The following SPATA3 variants were observed in gnomAD, a reference collection of about 807,000 sequenced individuals.
SPATA3 encodes spermatogenesis-associated protein 3.
Under a neutral mutation model 5.7 loss-of-function variants are expected in SPATA3, and 6 were observed. The ratio of observed to expected loss-of-function variants is 1.06; its 90% CI spans 0.58 to 2.09. The LOEUF (loss-of-function observed/expected upper bound fraction) is 2.09, where lower values mean the gene tolerates loss of function less well. Among genes scored for constraint, SPATA3 ranks in the 30% most tolerant of loss-of-function variants. SPATA3 has a pLI of 0.00. For synonymous variants in SPATA3, 44 were observed against 48.4 expected (o/e 0.91, Z 0.37); for missense variants, 155 against 130.4 (o/e 1.19, Z -0.92).
rs1692317198 is a variant in SPATA3, at chr2:231,000,657, C to T, written c.962+120C>T. ...TTGGGAATCCCAGGCCGAAGGAAAG[C>T]CTTTCTTTCCCTCTTTGCTTTGCCC... is the stretch of plus-strand genomic sequence containing the variant. On this transcript the variant is annotated intron_variant, in intron 2 of 2. Transcript: ENST00000645363. 1.0e-5 allele frequency: 11 copies of T among 1,078,910 alleles called. No homozygotes were observed. The South Asian group carries it at 2.6e-4, about 26-fold the overall frequency. The allele number at this position is 1,078,910 out of a possible 1,614,324, so 66.8% of individuals were successfully genotyped here.
chr2:231,008,002 C>T (rs1161099466), downstream of SPATA3, among the ~76,000 whole-genome samples: 4 of 152,154 alleles, frequency 2.6e-5, no homozygotes, highest in Non-Finnish European at 5.9e-5. Context: ...ATAGCAAGAC[C>T]CTGTCTCAAA....
chr2:231,006,503 CA>C (rs112077286), downstream of SPATA3, among the ~76,000 whole-genome samples: 51,753 of 140,270 alleles, frequency 0.37, 9,078 homozygotes, highest in South Asian at 0.48. Flanking sequence ...AACTCTGTCT[CA>C]AAAAAAAAAA....
At chr2:230,997,155 C>T (rs1218371485) in intron 1 of SPATA3, among the ~76,000 whole-genome samples, 1 of 152,180 alleles carries the variant, frequency 6.6e-6, no homozygotes, top group African/African-American at 2.4e-5. Flanking sequence ...CTTGAATTCC[C>T]AGGTGTTGTA....
chr2:231,019,248 A>T (rs546252406), intron 6 of SPATA3, among the ~76,000 whole-genome samples: 2 of 139,942 alleles, frequency 1.4e-5, no homozygotes, highest in South Asian at 2.3e-4. Flanking sequence ...GGATTACAGG[A>T]GTGAGCCACC....
At chr2:231,000,396 G>T (rs1420183899) in exon 2 of SPATA3, 7 of 1,532,734 alleles carry the variant, frequency 4.6e-6, no homozygotes, top group African/African-American at 4.1e-5. Flanking sequence ...CCGCATTCCT[G>T]CTCCTGTGCC....
At chr2:231,018,841 C>T (rs946957234) in intron 6 of SPATA3, among the ~76,000 whole-genome samples, 9 of 151,982 alleles carry the variant, frequency 5.9e-5, no homozygotes, top group Admixed American at 2.0e-4. Flanking sequence ...CGTGCCACCA[C>T]ACCCAGCTAA....
chr2:230,996,218 G>T (rs1185093705), intron 1 of SPATA3: 3 of 1,546,068 alleles, frequency 1.9e-6, no homozygotes, highest in Admixed American at 2.0e-5. Flanking sequence ...CCACGTTTAG[G>T]TTGGGAGGAT....
At chr2:231,013,771 G>A (rs1229787787) in intron 5 of SPATA3, 1 of 151,944 alleles carries the variant, frequency 6.6e-6, no homozygotes, top group Non-Finnish European at 1.5e-5. Context: ...TAATTGTACT[G>A]GCATTTTATC....
At chr2:231,002,992 CATT>C (rs1293821621), downstream of SPATA3, among the ~76,000 whole-genome samples, 2 of 152,116 alleles carry the variant, frequency 1.3e-5, no homozygotes, top group East Asian at 1.9e-4. Flanking sequence ...ACGCTAGACT[CATT>C]ATTACAATCA....
At chr2:231,016,909 G>A (rs1692952056) in intron 6 of SPATA3, among the ~76,000 whole-genome samples, 2 of 152,124 alleles carry the variant, frequency 1.3e-5, no homozygotes, top group Admixed American at 1.3e-4. Context: ...TCACCATCAA[G>A]ACATCACTCA....
rs1439985411 is a variant in SPATA3, at chr2:231,019,120, CAA to C, written c.*566-599_*566-598del. Among the ~76,000 whole-genome samples the C allele has an allele frequency of 2.8e-4, 36 of 128,430 alleles. 1 individual carries two copies. Among genetic ancestry groups the C allele is most frequent in the African/African-American group, 1.1e-3 (34 of 32,060 alleles). The allele number at this position is 128,430 out of a possible 152,430, so 84.3% of individuals were successfully genotyped here. A position where few individuals can be genotyped will look rare whatever the true frequency, so the allele number is the denominator to read the frequency against. ...TAGCTGCGACTACAGGCGCCCGCCA[CAA>C]CGCTTGGCTAATTTTTTTTTGTATT... On this transcript the variant is annotated intron_variant, in intron 6 of 8. Transcript: ENST00000452881.
intron 1 of SPATA3, chr2:230,996,368 A>G: frequency 6.5e-7 from 1 of 1,542,064 alleles, no homozygotes; most frequent in South Asian, 1.2e-5. Context: ...CTGAATCCAC[A>G]CCACAGCAGC....
intron 6 of SPATA3, among the ~76,000 whole-genome samples, chr2:231,017,562 G>A (rs1389529176): frequency 6.6e-6 from 1 of 152,242 alleles, no homozygotes; most frequent in African/African-American, 2.4e-5. Context: ...GGCCACCTAG[G>A]GGCCACCTGT....
chr2:231,014,493 G>C (rs1692878048), intron 6 of SPATA3, among the ~76,000 whole-genome samples: 1 of 152,140 alleles, frequency 6.6e-6, no homozygotes, highest in African/African-American at 2.4e-5. Flanking sequence ...CCAAGAACTC[G>C]CTCTTGGGGT....
intron 2 of SPATA3, among the ~76,000 whole-genome samples, chr2:231,001,835 G>C: frequency 6.6e-6 from 1 of 152,174 alleles, no homozygotes; most frequent in African/African-American, 2.4e-5. Flanking sequence ...AAAGAGCCTT[G>C]TGTCCTCTAG....
downstream of SPATA3, among the ~76,000 whole-genome samples, chr2:231,005,390 A>G (rs1692562644): frequency 7.2e-6 from 1 of 138,878 alleles, no homozygotes; most frequent in Non-Finnish European, 1.6e-5. Flanking sequence ...CACCACCACC[A>G]TCATCACCAC....
intron 2 of SPATA3, among the ~76,000 whole-genome samples, chr2:231,002,025 A>T (rs1188588520): frequency 6.6e-6 from 1 of 152,232 alleles, no homozygotes; most frequent in Admixed American, 6.5e-5. Flanking sequence ...TGAGGCTCAG[A>T]ATCAGGAAAG....
chr2:231,005,628 TCACCATCAC>T (rs1206734947), downstream of SPATA3, among the ~76,000 whole-genome samples: 5 of 119,832 alleles, frequency 4.2e-5, no homozygotes, highest in Admixed American at 1.7e-4. Flanking sequence ...ATCACCATCA[TCACCATCAC>T]CATCAACATC....
At chr2:230,999,444 A>G (rs2125095136) in intron 1 of SPATA3, 1 of 152,302 alleles carries the variant, frequency 6.6e-6, no homozygotes, top group Middle Eastern at 3.4e-3. Flanking sequence ...TGCCTTTAGA[A>G]TCCCCTCTCC....
Sources: allele counts gnomAD v4.1 joint callset (sites outside exome capture counted in the v4.1 genomes callset), GRCh38; gene constraint gnomAD v4.1.1; transcripts MANE v1.5; gene names NCBI Gene and HGNC (gene_info 2026-07-23, HGNC 2026-07-21).